Variants in TCEA1 observed in about 807,000 individuals in gnomAD.
TCEA1 encodes transcription elongation factor A1, also known as transcription elongation factor A protein 1.
In TCEA1, 21 loss-of-function variants were observed where a neutral mutation model predicts 43.8. The observed-to-expected ratio is 0.48, with a 90% CI of 0.34 to 0.69. TCEA1 has a LOEUF of 0.69. Among genes scored for constraint, TCEA1 ranks in the 30% least tolerant of loss-of-function variants. TCEA1 has a pLI of 0.01. For missense variants in TCEA1, 250 were observed against 365.1 expected, an observed-to-expected ratio of 0.68 and a Z score of 2.57; for synonymous variants, 104 against 117.5, an observed-to-expected ratio of 0.88 and a Z score of 0.75.
intron 2 of TCEA1, chr8:54,009,699 T>G (rs1411966713): frequency 6.6e-6 from 1 of 152,218 alleles, no homozygotes; most frequent in East Asian, 1.9e-4. Context: ...GAAGACAGGT[T>G]TGTTCATGGG....
intron 4 of TCEA1, among the ~76,000 whole-genome samples, chr8:53,991,945 A>C (rs994608408): frequency 6.6e-6 from 1 of 152,026 alleles, no homozygotes; most frequent in Non-Finnish European, 1.5e-5. Context: ...CATTAACATG[A>C]AGAGTACATG....
intron 8 of TCEA1, among the ~76,000 whole-genome samples, chr8:53,974,544 G>T (rs1458546738): frequency 2.1e-5 from 3 of 140,984 alleles, no homozygotes; most frequent in Admixed American, 7.0e-5. Context: ...GGGGTGGGGG[G>T]GGGACGGAGT....
At chr8:54,016,373 A>C (rs1280525053) in intron 1 of TCEA1, among the ~76,000 whole-genome samples, 2 of 152,280 alleles carry the variant, frequency 1.3e-5, no homozygotes, top group East Asian at 3.9e-4. Context: ...CGGGAGGCTG[A>C]GGCAGGAGAA....
chr8:53,998,216 T>C (rs182681260), intron 3 of TCEA1, among the ~76,000 whole-genome samples: 1 of 152,308 alleles, frequency 6.6e-6, no homozygotes, highest in Admixed American at 6.5e-5. Context: ...TAAAAACTGA[T>C]GAAATCTGAA....
At chr8:54,008,128 G>A (rs533139228) in intron 2 of TCEA1, among the ~76,000 whole-genome samples, 1 of 129,526 alleles carries the variant, frequency 7.7e-6, no homozygotes, top group Non-Finnish European at 1.5e-5. Flanking sequence ...GTCGCACGTC[G>A]TACCACTGCA....
At chr8:54,002,100 C>T (rs1804287546) in intron 2 of TCEA1, among the ~76,000 whole-genome samples, 1 of 150,928 alleles carries the variant, frequency 6.6e-6, no homozygotes, top group South Asian at 2.1e-4. Flanking sequence ...ACCCAGAAGG[C>T]AGAAGTTGCA....
intron 2 of TCEA1, among the ~76,000 whole-genome samples, chr8:54,008,234 C>T (rs1179138371): frequency 7.2e-6 from 1 of 139,802 alleles, no homozygotes; most frequent in South Asian, 2.2e-4. Flanking sequence ...GGTAAAGAGA[C>T]AATCTGCTGA....
intron 7 of TCEA1, among the ~76,000 whole-genome samples, chr8:53,983,006 T>C (rs184640531): frequency 6.6e-6 from 1 of 152,332 alleles, no homozygotes; most frequent in African/African-American, 2.4e-5. Context: ...CAAATCTCAC[T>C]GTTGTCTTAT....
At chr8:54,005,565 G>T (rs889255643) in intron 2 of TCEA1, among the ~76,000 whole-genome samples, 2 of 151,746 alleles carry the variant, frequency 1.3e-5, no homozygotes, top group Admixed American at 6.6e-5. Context: ...TTCTTATATT[G>T]CTAAATGGCA....
intron 5 of TCEA1, among the ~76,000 whole-genome samples, chr8:53,987,774 ACT>A (rs1803734408): frequency 6.6e-6 from 1 of 152,190 alleles, no homozygotes; most frequent in Non-Finnish European, 1.5e-5. Flanking sequence ...AGTATTGTTA[ACT>A]CTCAATATAA....
intron 3 of TCEA1, among the ~76,000 whole-genome samples, chr8:53,998,967 G>A (rs149129071): frequency 0.011 from 1,606 of 152,128 alleles, 11 homozygotes; most frequent in Middle Eastern, 0.024. Flanking sequence ...GGTGGCTCAC[G>A]CCTGTAATCC....
At chr8:54,006,847 T>C (rs1437684186) in intron 2 of TCEA1, among the ~76,000 whole-genome samples, 1 of 152,170 alleles carries the variant, frequency 6.6e-6, no homozygotes, top group East Asian at 1.9e-4. Flanking sequence ...GAGTTCTTTT[T>C]TGTTTTTTGA....
At chr8:53,976,024 A>G (rs926070728) in intron 8 of TCEA1, among the ~76,000 whole-genome samples, 3 of 152,238 alleles carry the variant, frequency 2.0e-5, no homozygotes, top group Non-Finnish European at 2.9e-5. Context: ...GAGAATTACC[A>G]GAATCAAAGG....
At position 54,010,439 on chromosome 8, in the gene TCEA1, T is replaced by C; in HGVS notation, c.117A>G (p.Glu39=). 6.2e-7 allele frequency: 1 copy of C among 1,604,932 alleles called. No homozygotes were observed. Among genetic ancestry groups the C allele is most frequent in the South Asian group, 1.1e-5 (1 of 88,572 alleles). ...GCATAAAAGCACATACCTGCAGTAA[T>C]TCCAGGGTCATAGGAATATTCTTAA... ...KELKNIPMTL[E]LLQSTRIGMS... Residue 39 remains glutamate (E), a synonymous_variant, in exon 2 of 10, where the codon GAA becomes GAG. Transcript: ENST00000521604.
Position 54,022,266 on chromosome 8 carries a change from G to C in TCEA1, c.-141C>G, listed in dbSNP as rs1805072426. The C allele has an allele frequency of 2.7e-6, 3 of 1,095,990 alleles. No homozygotes were observed. The African/African-American group carries it at 5.0e-5, about 18-fold the overall frequency. The allele number at this position is 1,095,990 out of a possible 1,614,324, so 67.9% of individuals were successfully genotyped here. A position where few individuals can be genotyped will look rare whatever the true frequency, so the allele number is the denominator to read the frequency against. ...CCCGGGCCTAGGCCCCCTTCCTTACGAACGAAGCCCGCGGCGGCGGCGGCG... is the reference window on the plus strand; with the variant it reads ...CCCGGGCCTAGGCCCCCTTCCTTACCAACGAAGCCCGCGGCGGCGGCGGCG... On this transcript the variant is annotated 5_prime_UTR_variant, in exon 1 of 10. Coordinates refer to ENST00000521604, the MANE Select transcript of TCEA1 (RefSeq NM_006756.4).
intron 7 of TCEA1, among the ~76,000 whole-genome samples, chr8:53,982,592 C>T (rs576677013): frequency 8.8e-6 from 1 of 113,284 alleles, no homozygotes; most frequent in African/African-American, 3.6e-5. Context: ...TGGGCGACAA[C>T]AGTGAAACTC....
intron 3 of TCEA1, chr8:53,999,608 C>A: frequency 3.9e-6 from 1 of 257,564 alleles, no homozygotes; most frequent in Non-Finnish European, 7.3e-6. Context: ...ATACGGCATT[C>A]TTTTAATCAT....
At chr8:54,015,684 CA>C (rs1214650824) in intron 1 of TCEA1, among the ~76,000 whole-genome samples, 1 of 152,116 alleles carries the variant, frequency 6.6e-6, no homozygotes, top group Non-Finnish European at 1.5e-5. Flanking sequence ...AGCAGACAGA[CA>C]ACCCACAGAA....
chr8:53,994,288 T>C (rs553871073), intron 3 of TCEA1, among the ~76,000 whole-genome samples: 6 of 152,258 alleles, frequency 3.9e-5, no homozygotes, highest in African/African-American at 1.4e-4. Flanking sequence ...GAGGCTGCAG[T>C]GAGCCAAGAT....
Sources: gnomAD v4.1 joint callset for allele counts (sites outside exome capture counted in the v4.1 genomes callset) on GRCh38, gnomAD v4.1.1 for gene constraint, MANE v1.5 for transcripts, NCBI Gene and HGNC (gene_info 2026-07-23, HGNC 2026-07-21) for gene names.